The following CCDC171 variants were observed in gnomAD, a reference collection of about 807,000 sequenced individuals.
CCDC171 encodes coiled-coil domain-containing protein 171.
CCDC171 carries 177 observed loss-of-function variants against 168.2 expected under a neutral mutation model. The ratio of observed to expected loss-of-function variants is 1.05; its 90% CI spans 0.93 to 1.19. CCDC171 has a LOEUF of 1.19. Among genes scored for constraint, CCDC171 ranks in the 50% most tolerant of loss-of-function variants. The pLI, the probability that CCDC171 is intolerant of heterozygous loss-of-function variation, is 0.00. For missense variants in CCDC171, 1,991 were observed against 1,539.0 expected (o/e 1.29, Z -4.91); for synonymous variants, 687 against 540.8 (o/e 1.27, Z -3.75).
At chr9:15,559,862 G>T (rs759589327) in intron 1 of CCDC171, among the ~76,000 whole-genome samples, 7 of 152,052 alleles carry the variant, frequency 4.6e-5, no homozygotes, top group Non-Finnish European at 1.0e-4. Context: ...TTTTGCAGTG[G>T]CTGGTACCGG....
intron 15 of CCDC171, among the ~76,000 whole-genome samples, 183 bp from the exon 16 acceptor site, chr9:15,729,427 G>A (rs999847432): frequency 1.3e-5 from 2 of 152,024 alleles, no homozygotes; most frequent in Non-Finnish European, 2.9e-5. Context: ...TTCTGCTAAC[G>A]TGTGGCAGTT....
intron 5 of CCDC171, among the ~76,000 whole-genome samples, chr9:15,593,596 T>G (rs1564005985): frequency 6.6e-6 from 1 of 152,086 alleles, no homozygotes; most frequent in Non-Finnish European, 1.5e-5. Flanking sequence ...ATATAAATTA[T>G]CAGGGATAAT....
chr9:16,034,339 C>T (rs139720477), intron 6 of CCDC171, among the ~76,000 whole-genome samples: 1 of 152,070 alleles, frequency 6.6e-6, no homozygotes, highest in Non-Finnish European at 1.5e-5. Flanking sequence ...ATTTGACACA[C>T]ATTTGACACA....
chr9:15,957,142 G>C (rs1251958855), intron 25 of CCDC171, among the ~76,000 whole-genome samples: 1 of 151,918 alleles, frequency 6.6e-6, no homozygotes, highest in Non-Finnish European at 1.5e-5. Flanking sequence ...GAGCATACAG[G>C]CAAGAAGAGA....
At chr9:15,647,519 A>G (rs1452947562) in intron 7 of CCDC171, among the ~76,000 whole-genome samples, 1 of 152,178 alleles carries the variant, frequency 6.6e-6, no homozygotes, top group Non-Finnish European at 1.5e-5. Flanking sequence ...TAAAGAAGAA[A>G]AGAGAGAAGA....
intron 18 of CCDC171, among the ~76,000 whole-genome samples, chr9:15,751,269 G>A (rs1341327544): frequency 1.3e-5 from 2 of 152,162 alleles, no homozygotes; most frequent in Non-Finnish European, 2.9e-5. Context: ...ACTGCTCAAC[G>A]AAATAAAAGA....
At position 15,720,567 on chromosome 9, in the gene CCDC171, A is replaced by G. The variant is rs528036918; in HGVS notation, c.1319-1202A>G. On this transcript the variant is annotated intron_variant, in intron 11 of 25. Transcript: ENST00000380701. ...TCGTGTATATTGAAATATTTATATT[A>G]TAAAATATGATGAGAAGAAATAACA... is the stretch of plus-strand genomic sequence containing the variant. Among the ~76,000 whole-genome samples, 6 of 152,352 alleles carry G rather than the reference A, an allele frequency of 3.9e-5. No homozygotes were observed. The South Asian group carries it at 1.2e-3, about 32-fold the overall frequency.
At chr9:15,569,120 A>G (rs1005767546) in intron 2 of CCDC171, among the ~76,000 whole-genome samples, 2 of 152,336 alleles carry the variant, frequency 1.3e-5, no homozygotes, top group Middle Eastern at 3.4e-3. Flanking sequence ...TGAAATTTCC[A>G]TGCATTTAAC....
At chr9:15,697,799 T>G (rs1213648663) in intron 11 of CCDC171, among the ~76,000 whole-genome samples, 1 of 152,208 alleles carries the variant, frequency 6.6e-6, no homozygotes, top group Non-Finnish European at 1.5e-5. Flanking sequence ...TGCTGACTCA[T>G]CAGGGTGGTG....
intron 11 of CCDC171, among the ~76,000 whole-genome samples, chr9:15,713,533 A>G (rs1013149364): frequency 1.4e-4 from 22 of 152,118 alleles, no homozygotes; most frequent in African/African-American, 2.4e-5. Context: ...GGTGGATCAC[A>G]CAGTAACCGT....
chr9:16,106,386 G>C, the CCDC171 span, among the ~76,000 whole-genome samples: 1 of 152,144 alleles, frequency 6.6e-6, no homozygotes, highest in Non-Finnish European at 1.5e-5. Context: ...CCGTAGCTCA[G>C]TGTCAGATTT....
In CCDC171 at chr9:16,033,658, G is replaced by A. The variant is rs1429295020; in HGVS notation, n.999-1799G>A. Among the ~76,000 whole-genome samples the A allele has an allele frequency of 3.3e-5, 5 of 152,242 alleles. No homozygotes were observed. The South Asian group carries it at 6.2e-4, about 19-fold the overall frequency. ...AAACCTAGCACAATAAATCTAATGC[G>A]CTTGAACCATCCCGAAACCATCCCC... On this transcript the variant is annotated intron_variant and non_coding_transcript_variant, in intron 6 of 9. Coordinates refer to the CCDC171 transcript ENST00000486641.
intron 11 of CCDC171, 58 bp from the exon 12 acceptor site, chr9:15,721,711 C>T (rs184311721): frequency 1.5e-5 from 14 of 915,826 alleles, no homozygotes; most frequent in Non-Finnish European, 2.1e-5. Flanking sequence ...TACTATTTGC[C>T]TAAGTTTTGT....
chr9:15,643,747 C>T (rs544459364), intron 7 of CCDC171, among the ~76,000 whole-genome samples: 1 of 152,188 alleles, frequency 6.6e-6, no homozygotes, highest in Non-Finnish European at 1.5e-5. Context: ...CTTCCCTATC[C>T]TCCTGCAACC....
chr9:15,997,300 G>A (rs1225351843), intron 3 of CCDC171, among the ~76,000 whole-genome samples: 1 of 152,228 alleles, frequency 6.6e-6, no homozygotes, highest in Non-Finnish European at 1.5e-5. Flanking sequence ...GAAATGGCCA[G>A]ACTCTCGTAC....
At chr9:15,845,419 C>T (rs1031806542) in intron 21 of CCDC171, among the ~76,000 whole-genome samples, 1 of 151,996 alleles carries the variant, frequency 6.6e-6, no homozygotes, top group South Asian at 2.1e-4. Flanking sequence ...AAGTGAATGA[C>T]TGAATTTTAA....
intron 5 of CCDC171, 88 bp downstream of exon 5, chr9:15,591,644 T>G (rs2042015822): frequency 1.3e-6 from 1 of 791,140 alleles, no homozygotes; most frequent in Admixed American, 3.1e-5. Context: ...TGGATTTCCT[T>G]CCTTCCTTTT....
chr9:15,906,510 A>C (rs1032527928), intron 24 of CCDC171, among the ~76,000 whole-genome samples: 1 of 152,250 alleles, frequency 6.6e-6, no homozygotes, highest in Non-Finnish European at 1.5e-5. Flanking sequence ...TTAGGTATTG[A>C]TGGGACTTAT....
chr9:15,680,363 C>G (rs115464249), intron 10 of CCDC171, among the ~76,000 whole-genome samples: 68 of 152,286 alleles, frequency 4.5e-4, no homozygotes, highest in African/African-American at 1.6e-3. Flanking sequence ...TTGACTACTT[C>G]ACTTTCAGTT....
Sources: gnomAD v4.1 joint callset for allele counts (sites outside exome capture counted in the v4.1 genomes callset) on GRCh38, gnomAD v4.1.1 for gene constraint, MANE v1.5 for transcripts, NCBI Gene and HGNC (gene_info 2026-07-23, HGNC 2026-07-21) for gene names.